Variants in CNTNAP2 observed in about 807,000 individuals in gnomAD.
CNTNAP2 encodes the protein contactin associated protein 2, also known as contactin-associated protein-like 2.
In CNTNAP2, 98 loss-of-function variants were observed where a neutral mutation model predicts 155.2. The ratio of observed to expected loss-of-function variants is 0.63; its 90% CI spans 0.54 to 0.75. The LOEUF (loss-of-function observed/expected upper bound fraction) is 0.75, where lower values mean the gene tolerates loss of function less well. Among genes scored for constraint, CNTNAP2 ranks in the 30% least tolerant of loss-of-function variants. The pLI is 0.00. For missense variants in CNTNAP2, 1,727 were observed against 1,688.1 expected (o/e 1.02, Z -0.40); for synonymous variants, 651 against 631.2 (o/e 1.03, Z -0.47).
chr7:147,449,913 A>G lies in CNTNAP2; in HGVS notation c.1671-36022A>G, dbSNP rs565746333. On this transcript the variant is annotated intron_variant, in intron 10 of 23. Coordinates refer to ENST00000361727, the MANE Select transcript of CNTNAP2 (RefSeq NM_014141.6). ...GCCAATCACATTAACTCTATGTCCA[A>G]TTGATTTCCCATATGCCTGCTTTAT... Among the ~76,000 whole-genome samples, 7 of 152,292 alleles carry G rather than the reference A, an allele frequency of 4.6e-5. No homozygotes were observed. The East Asian group carries it at 9.7e-4, about 21-fold the overall frequency.
intron 18 of CNTNAP2, among the ~76,000 whole-genome samples, chr7:148,210,823 G>A (rs1795534989): frequency 6.6e-6 from 1 of 152,204 alleles, no homozygotes; most frequent in Non-Finnish European, 1.5e-5. Context: ...GTAAGTTGAA[G>A]AAAACATCAA....
intron 20 of CNTNAP2, among the ~76,000 whole-genome samples, chr7:148,230,938 C>T (rs1795950087): frequency 6.6e-6 from 1 of 152,148 alleles, no homozygotes; most frequent in African/African-American, 2.4e-5. Context: ...GAAAAGCCAG[C>T]AAGTCCAGGA....
At chr7:146,830,635 A>G (rs1183296567) in intron 2 of CNTNAP2, among the ~76,000 whole-genome samples, 1 of 152,194 alleles carries the variant, frequency 6.6e-6, no homozygotes, top group Non-Finnish European at 1.5e-5. Flanking sequence ...CATGAAATTG[A>G]TAATGCGTTT....
intron 10 of CNTNAP2, among the ~76,000 whole-genome samples, chr7:147,408,041 A>G (rs1797039119): frequency 6.6e-6 from 1 of 152,264 alleles, no homozygotes. Flanking sequence ...TCATTTATCC[A>G]TTCATTCTAC....
intron 15 of CNTNAP2, among the ~76,000 whole-genome samples, chr7:147,991,955 T>C (rs1801717185): frequency 6.6e-6 from 1 of 152,124 alleles, no homozygotes; most frequent in Non-Finnish European, 1.5e-5. Flanking sequence ...TTGGGAACTT[T>C]ACTGAAGAAA....
At chr7:147,594,125 CTTTTTTTTTT>C (rs397827040) in intron 12 of CNTNAP2, among the ~76,000 whole-genome samples, 9 of 120,072 alleles carry the variant, frequency 7.5e-5, no homozygotes, top group Non-Finnish European at 1.5e-4. Flanking sequence ...TCTGGTGTCT[CTTTTTTTTTT>C]TTTTTTTTTG....
At chr7:147,574,306 G>T (rs897525232) in intron 12 of CNTNAP2, among the ~76,000 whole-genome samples, 4 of 151,836 alleles carry the variant, frequency 2.6e-5, no homozygotes, top group African/African-American at 4.8e-5. Flanking sequence ...GACCTTCACA[G>T]CTTTCCTCAT....
intron 13 of CNTNAP2, among the ~76,000 whole-genome samples, chr7:147,684,211 C>A (rs551433138): frequency 4.1e-4 from 63 of 151,890 alleles, no homozygotes; most frequent in African/African-American, 1.5e-3. Context: ...TAAAATGTTA[C>A]AAGAGCTGCT....
intron 12 of CNTNAP2, among the ~76,000 whole-genome samples, chr7:147,623,794 C>T (rs1275813626): frequency 6.6e-6 from 1 of 151,248 alleles, no homozygotes; most frequent in Non-Finnish European, 1.5e-5. Context: ...CACAAAAGAC[C>T]CAGAATAACC....
chr7:148,171,802 A>G (rs1463500954), intron 17 of CNTNAP2, among the ~76,000 whole-genome samples: 1 of 152,212 alleles, frequency 6.6e-6, no homozygotes, highest in Non-Finnish European at 1.5e-5. Flanking sequence ...TTTCAAACGG[A>G]TTTATGTCTT....
chr7:147,427,745 G>C (rs909723798), intron 10 of CNTNAP2, among the ~76,000 whole-genome samples: 27 of 152,088 alleles, frequency 1.8e-4, no homozygotes, highest in African/African-American at 6.3e-4. Flanking sequence ...ACAAATGCAG[G>C]TACATGCACT....
intron 15 of CNTNAP2, among the ~76,000 whole-genome samples, chr7:148,032,923 T>C (rs1223703482): frequency 6.6e-6 from 1 of 152,164 alleles, no homozygotes; most frequent in Non-Finnish European, 1.5e-5. Context: ...TATCATTTTG[T>C]TGTAGTCCAT....
Position 146,907,775 on chromosome 7 carries a change from G to A in CNTNAP2, c.402+67871G>A, listed in dbSNP as rs574782964. Among the ~76,000 whole-genome samples, 137 of 150,226 alleles carry A rather than the reference G, an allele frequency of 9.1e-4. 1 individual carries two copies. The highest frequency in any genetic ancestry group is 3.2e-3 in the African/African-American group (129 of 40,872). On this transcript the variant is annotated intron_variant, in intron 3 of 23. Coordinates refer to ENST00000361727, the MANE Select transcript of CNTNAP2 (RefSeq NM_014141.6). ...CAAAATCACCAGCTAACATCATAAT[G>A]ACAGGATCAAATTCACACATAACAA... is the stretch of plus-strand genomic sequence containing the variant.
At chr7:146,225,480 T>G (rs1799278512) in intron 1 of CNTNAP2, among the ~76,000 whole-genome samples, 1 of 152,150 alleles carries the variant, frequency 6.6e-6, no homozygotes, top group Non-Finnish European at 1.5e-5. Context: ...AAAGTTTTAG[T>G]GGAAATCCTA....
chr7:147,081,407 C>G (rs1408730511), intron 4 of CNTNAP2: 1 of 144,032 alleles, frequency 6.9e-6, no homozygotes, highest in Non-Finnish European at 1.5e-5. Context: ...CACTTAAAAA[C>G]TAAGAGATTC....
intron 21 of CNTNAP2, among the ~76,000 whole-genome samples, chr7:148,286,858 C>A (rs1210378793): frequency 6.6e-6 from 1 of 152,206 alleles, no homozygotes; most frequent in African/African-American, 2.4e-5. Flanking sequence ...TACTCCCTCA[C>A]CCCTCCCCAC....
chr7:146,162,879 C>T (rs1377192605), intron 1 of CNTNAP2, among the ~76,000 whole-genome samples: 5 of 152,126 alleles, frequency 3.3e-5, no homozygotes, highest in Admixed American at 2.0e-4. Flanking sequence ...AAGCTGGAAA[C>T]CATCGTTCTC....
At chr7:147,517,101 C>T (rs2116700027) in intron 11 of CNTNAP2, among the ~76,000 whole-genome samples, 1 of 151,822 alleles carries the variant, frequency 6.6e-6, no homozygotes, top group South Asian at 2.1e-4. Flanking sequence ...AACTCCTGAC[C>T]TCAAGTGATC....
At chr7:148,133,770 T>C (rs1428904006) in intron 16 of CNTNAP2, 5 of 152,104 alleles carry the variant, frequency 3.3e-5, no homozygotes, top group African/African-American at 9.7e-5. Context: ...GGAGTGATGA[T>C]GAAAAGGGGA....
Sources: allele counts gnomAD v4.1 joint callset (sites outside exome capture counted in the v4.1 genomes callset), GRCh38; gene constraint gnomAD v4.1.1; transcripts MANE v1.5; gene names NCBI Gene and HGNC (gene_info 2026-07-23, HGNC 2026-07-21).